CFAP61: variants seen among roughly 807,000 people sequenced by gnomAD.
CFAP61 encodes cilia and flagella associated protein 61.
Under a neutral mutation model 135.6 loss-of-function variants are expected in CFAP61, and 107 were observed. That is an observed-to-expected ratio of 0.79 (90% CI 0.67 to 0.93). The LOEUF is 0.93. Ranked by LOEUF, CFAP61 falls within the 40% of genes least tolerant of loss-of-function variation. The pLI is 0.00. For synonymous variants in CFAP61, 575 were observed against 578.5 expected, an observed-to-expected ratio of 0.99 and a Z score of 0.09; for missense variants, 1,507 against 1,556.2, an observed-to-expected ratio of 0.97 and a Z score of 0.53.
At chr20:20,219,211 C>G (rs899227237) in intron 17 of CFAP61, among the ~76,000 whole-genome samples, 2 of 152,184 alleles carry the variant, frequency 1.3e-5, no homozygotes, top group African/African-American at 4.8e-5. Context: ...GAGCTCCTTT[C>G]TGTTTTGTAG....
chr20:20,122,148 T>TTTGTTG (rs150838690), intron 8 of CFAP61, among the ~76,000 whole-genome samples: 21 of 149,946 alleles, frequency 1.4e-4, no homozygotes, highest in East Asian at 1.0e-3. Flanking sequence ...GTCATTCTTT[T>TTTGTTG]TTGTTGTTGT....
At chr20:20,226,142 C>T (rs2048719595) in intron 17 of CFAP61, 2 of 152,278 alleles carry the variant, frequency 1.3e-5, no homozygotes. Context: ...CTTCATCCCT[C>T]CCTGGGCTGT....
At chr20:20,206,848 G>C (rs1388868515) in intron 17 of CFAP61, among the ~76,000 whole-genome samples, 2 of 151,966 alleles carry the variant, frequency 1.3e-5, no homozygotes, top group Non-Finnish European at 2.9e-5. Context: ...ATATTTTGAG[G>C]AACTGCCAAA....
chr20:20,341,541 G>A (rs377106406), intron 25 of CFAP61, among the ~76,000 whole-genome samples: 99 of 152,298 alleles, frequency 6.5e-4, no homozygotes, highest in Admixed American at 1.2e-3. Flanking sequence ...TGGAGACACC[G>A]TTCTTTACAA....
intron 2 of CFAP61, among the ~76,000 whole-genome samples, chr20:20,060,248 C>T (rs1308439906): frequency 1.3e-5 from 2 of 151,990 alleles, no homozygotes; most frequent in African/African-American, 2.4e-5. Flanking sequence ...TCCTAGGGGA[C>T]CTGGGAGAAA....
At chr20:20,127,585 C>G (rs1451139827) in intron 8 of CFAP61, among the ~76,000 whole-genome samples, 1 of 150,706 alleles carries the variant, frequency 6.6e-6, no homozygotes, top group Non-Finnish European at 1.5e-5. Context: ...CTGTGGGTCT[C>G]TCAGCCGTGG....
intron 9 of CFAP61, among the ~76,000 whole-genome samples, chr20:20,150,949 A>C (rs956863761): frequency 2.0e-5 from 3 of 152,172 alleles, no homozygotes; most frequent in Admixed American, 2.0e-4. Flanking sequence ...AGTCTACCCA[A>C]ATGAGAAGGA....
intron 13 of CFAP61, among the ~76,000 whole-genome samples, chr20:20,175,292 T>A (rs896325390): frequency 4.6e-5 from 7 of 152,194 alleles, no homozygotes; most frequent in Non-Finnish European, 7.4e-5. Context: ...AGTTCTTTCT[T>A]CATATGCTCT....
intron 8 of CFAP61, among the ~76,000 whole-genome samples, chr20:20,111,921 A>G (rs1183197822): frequency 6.6e-6 from 1 of 152,142 alleles, no homozygotes; most frequent in Non-Finnish European, 1.5e-5. Flanking sequence ...CTTCTCCACT[A>G]GAGTTTTGGA....
chr20:20,275,428 C>T (rs941213595), intron 21 of CFAP61, among the ~76,000 whole-genome samples: 2 of 152,160 alleles, frequency 1.3e-5, no homozygotes, highest in African/African-American at 4.8e-5. Flanking sequence ...TAGAAATAAA[C>T]CTGTAATTTT....
intron 14 of CFAP61, 99 bp downstream of exon 14, chr20:20,188,155 A>T: frequency 7.8e-7 from 1 of 1,280,960 alleles, no homozygotes; most frequent in Non-Finnish European, 1.1e-6. Flanking sequence ...TTGGAAAATC[A>T]TATGGCAGGG....
At chr20:20,284,589 A>G (rs1053536376) in intron 22 of CFAP61, among the ~76,000 whole-genome samples, 2 of 152,148 alleles carry the variant, frequency 1.3e-5, no homozygotes, top group Admixed American at 6.5e-5. Flanking sequence ...CCGGCCTTCA[A>G]TTGGCTTTTT....
chr20:20,095,283 A>G (rs2047486953), intron 7 of CFAP61, among the ~76,000 whole-genome samples: 1 of 152,154 alleles, frequency 6.6e-6, no homozygotes, highest in Non-Finnish European at 1.5e-5. Flanking sequence ...GGCAAATGCT[A>G]CAGATCTGGG....
intron 24 of CFAP61, 64 bp downstream of exon 24, chr20:20,290,455 AATTCTTTACTT>A (rs1441073764): frequency 1.8e-6 from 2 of 1,111,376 alleles, no homozygotes; most frequent in African/African-American, 3.1e-5. Flanking sequence ...AAGAGGATGA[AATTCTTTACTT>A]GGAGTCTTTA....
At chr20:20,139,368 A>G (rs927400974) in intron 8 of CFAP61, among the ~76,000 whole-genome samples, 2 of 152,252 alleles carry the variant, frequency 1.3e-5, no homozygotes, top group Non-Finnish European at 2.9e-5. Context: ...CCCGCTTCAG[A>G]TAAGCAGTCT....
intron 8 of CFAP61, among the ~76,000 whole-genome samples, chr20:20,113,926 A>G (rs2048962117): frequency 7.8e-6 from 1 of 127,796 alleles, no homozygotes; most frequent in Non-Finnish European, 1.6e-5. Flanking sequence ...TATCCTTTTT[A>G]TTCTTAGTTG....
At chr20:20,263,938 G>C (rs1287505698) in intron 21 of CFAP61, among the ~76,000 whole-genome samples, 1 of 152,122 alleles carries the variant, frequency 6.6e-6, no homozygotes, top group Non-Finnish European at 1.5e-5. Context: ...GAGCATCACT[G>C]TGTAAAATTA....
At chr20:20,242,953 G>A (rs767203196) in intron 18 of CFAP61, among the ~76,000 whole-genome samples, 1 of 152,140 alleles carries the variant, frequency 6.6e-6, no homozygotes, top group Non-Finnish European at 1.5e-5. Flanking sequence ...AGGCATCCTG[G>A]GTTCAAACCC....
At chr20:20,121,499 T>C (rs1169674191) in intron 8 of CFAP61, among the ~76,000 whole-genome samples, 1 of 152,010 alleles carries the variant, frequency 6.6e-6, no homozygotes, top group African/African-American at 2.4e-5. Flanking sequence ...TTAAAATTTT[T>C]AAATATATTT....
Sources: allele counts gnomAD v4.1 joint callset (sites outside exome capture counted in the v4.1 genomes callset), GRCh38; gene constraint gnomAD v4.1.1; transcripts MANE v1.5; gene names NCBI Gene and HGNC (gene_info 2026-07-23, HGNC 2026-07-21).